Variants in KCNH1 observed in about 807,000 individuals in gnomAD.
KCNH1 encodes voltage-gated delayed rectifier potassium channel KCNH1.
In KCNH1, 27 loss-of-function variants were observed where a neutral mutation model predicts 69.2. The observed-to-expected ratio is 0.39, with a 90% CI of 0.29 to 0.54. The LOEUF (loss-of-function observed/expected upper bound fraction) is 0.54, where lower values mean the gene tolerates loss of function less well. Ranked by LOEUF, KCNH1 falls within the 20% of genes least tolerant of loss-of-function variation. KCNH1 has a pLI of 0.68. For synonymous variants in KCNH1, 456 were observed against 487.7 expected (o/e 0.93, Z 0.86); for missense variants, 798 against 1,261.6 (o/e 0.63, Z 5.57).
chr1:211,038,007 TG>T (rs1349568722), intron 5 of KCNH1, among the ~76,000 whole-genome samples: 1 of 147,748 alleles, frequency 6.8e-6, no homozygotes, highest in Non-Finnish European at 1.5e-5. Flanking sequence ...TTGCCCAGGC[TG>T]GAGTGCAGTG....
At chr1:211,068,846 G>A (rs1373042565) in intron 5 of KCNH1, among the ~76,000 whole-genome samples, 1 of 152,194 alleles carries the variant, frequency 6.6e-6, no homozygotes, top group African/African-American at 2.4e-5. Flanking sequence ...TGCTGGGTAG[G>A]AAAATCTAAA....
chr1:210,859,927 C>G (rs1685939649), intron 7 of KCNH1: 1 of 1,483,384 alleles, frequency 6.7e-7, no homozygotes, highest in Non-Finnish European at 9.4e-7. Context: ...GCTGCAATTG[C>G]AACTTGCATA....
At chr1:210,735,798 G>GAC (rs34116468) in intron 10 of KCNH1, among the ~76,000 whole-genome samples, 1,888 of 147,396 alleles carry the variant, frequency 0.013, 29 homozygotes, top group African/African-American at 0.043. Flanking sequence ...TGCATACACA[G>GAC]ACACACACAC....
chr1:210,900,863 C>A (rs932656328), intron 7 of KCNH1, among the ~76,000 whole-genome samples: 4 of 152,080 alleles, frequency 2.6e-5, no homozygotes, highest in African/African-American at 9.7e-5. Flanking sequence ...CCTAGCCAGA[C>A]AAAAAGAAGC....
At chr1:210,895,691 G>A (rs1686850855) in intron 7 of KCNH1, among the ~76,000 whole-genome samples, 1 of 151,982 alleles carries the variant, frequency 6.6e-6, no homozygotes, top group South Asian at 2.1e-4. Flanking sequence ...GGAAACATAG[G>A]AAAGGGATAA....
rs1681264294 is a variant in KCNH1 at position 210,681,483 on chromosome 1, G to A, written c.*1798C>T. ...GCAGGACTCTCCCTTGAGCTCGCAG[G>A]CCTTGTCTTCCCAGGGCCATCTGTG... On this transcript the variant is annotated 3_prime_UTR_variant, in exon 11 of 11. Coordinates refer to ENST00000271751, the MANE Select transcript of KCNH1 (RefSeq NM_172362.3). 1 of 152,262 alleles carries A rather than the reference G, an allele frequency of 6.6e-6. No individual in the cohort carries two copies. 9.4% of individuals were successfully genotyped at this position (152,262 alleles called of 1,614,324 possible).
At position 210,846,644 on chromosome 1, in the gene KCNH1, C is replaced by T. The variant is rs144572175; in HGVS notation, c.1463-42478G>A. 3.6e-3 allele frequency among the ~76,000 whole-genome samples: 554 copies of T among 152,312 alleles called. 4 individuals carry two copies. The highest frequency in any genetic ancestry group is 0.013 in the African/African-American group (534 of 41,564). On this transcript the variant is annotated intron_variant, in intron 7 of 10. Transcript: ENST00000271751. ...TAAAAACCCTAGAAGAAAACATAGG[C>T]ATTACCATTCAGGACATAGGCACGG...
intron 10 of KCNH1, among the ~76,000 whole-genome samples, chr1:210,731,078 G>T (rs1682737696): frequency 6.6e-6 from 1 of 152,158 alleles, no homozygotes; most frequent in African/African-American, 2.4e-5. Context: ...GGAAGAAAAG[G>T]TTTGAGAGTT....
At chr1:210,859,341 A>C (rs1243918842) in intron 7 of KCNH1, 1 of 1,525,950 alleles carries the variant, frequency 6.6e-7, no homozygotes, top group Non-Finnish European at 9.1e-7. Context: ...CTTCATTAAG[A>C]CCATGAGTCA....
chr1:211,044,333 C>A (rs1278584630), intron 5 of KCNH1, among the ~76,000 whole-genome samples: 3 of 152,048 alleles, frequency 2.0e-5, no homozygotes, highest in East Asian at 1.9e-4. Context: ...AACTCAACCC[C>A]TTTAACCCCT....
chr1:211,122,007 G>T (rs1047285227), intron 1 of KCNH1, among the ~76,000 whole-genome samples: 4 of 151,992 alleles, frequency 2.6e-5, no homozygotes, highest in African/African-American at 9.7e-5. Context: ...ACACGGTGGC[G>T]GGCACTTGCA....
chr1:210,722,059 C>T (rs1558440467), intron 10 of KCNH1, among the ~76,000 whole-genome samples: 1 of 152,120 alleles, frequency 6.6e-6, no homozygotes, highest in Non-Finnish European at 1.5e-5. Context: ...GGTTCCAGCC[C>T]CATACTGAAA....
intron 6 of KCNH1, among the ~76,000 whole-genome samples, chr1:210,985,225 A>G (rs1460620341): frequency 6.6e-6 from 1 of 152,118 alleles, no homozygotes; most frequent in Admixed American, 6.6e-5. Context: ...GATCTTTTCA[A>G]AAAACCAGCC....
intron 7 of KCNH1, chr1:210,862,034 C>T (rs80085912): frequency 0.026 from 19,959 of 781,418 alleles, 407 homozygotes; most frequent in Non-Finnish European, 0.031. Context: ...CAATCTTCTT[C>T]TGGAATAGTA....
chr1:210,727,294 GAC>G (rs2149029485), intron 10 of KCNH1, among the ~76,000 whole-genome samples: 1 of 152,272 alleles, frequency 6.6e-6, no homozygotes, highest in East Asian at 1.9e-4. Context: ...GTAAGTATTT[GAC>G]AGTTCTAATG....
intron 7 of KCNH1, among the ~76,000 whole-genome samples, chr1:210,893,798 C>G (rs1460193911): frequency 6.6e-6 from 1 of 152,034 alleles, no homozygotes; most frequent in East Asian, 1.9e-4. Context: ...TCTTTTCTCT[C>G]TATGTATTTT....
intron 6 of KCNH1, among the ~76,000 whole-genome samples, chr1:211,011,995 A>C (rs1689404087): frequency 6.6e-6 from 1 of 152,230 alleles, no homozygotes; most frequent in African/African-American, 2.4e-5. Flanking sequence ...CTGGCAAGTC[A>C]CACTCATCAA....
At chr1:211,001,011 T>G (rs1232644037) in intron 6 of KCNH1, among the ~76,000 whole-genome samples, 1 of 152,046 alleles carries the variant, frequency 6.6e-6, no homozygotes, top group Non-Finnish European at 1.5e-5. Context: ...TGAACATTAA[T>G]TCAAGATGGA....
rs996622906 is a variant in KCNH1 at position 210,735,534 on chromosome 1, TATAGCCTGTAAAA to T, written c.2112+39801_2112+39813del. 5.2e-4 allele frequency among the ~76,000 whole-genome samples: 79 copies of T among 151,632 alleles called. 1 individual carries two copies. The highest frequency in any genetic ancestry group is 1.6e-3 in the African/African-American group (65 of 41,306). ...AGATGAAAGATATATTTGCCTAGCA[TATAGCCTGTAAAA>T]ATGGACTGTCATGCATCAGAGGGCA... On this transcript the variant is annotated intron_variant, in intron 10 of 10. Coordinates refer to ENST00000271751, the MANE Select transcript of KCNH1 (RefSeq NM_172362.3).
Sources: gnomAD v4.1 joint callset for allele counts (sites outside exome capture counted in the v4.1 genomes callset) on GRCh38, gnomAD v4.1.1 for gene constraint, MANE v1.5 for transcripts, NCBI Gene and HGNC (gene_info 2026-07-23, HGNC 2026-07-21) for gene names.